The following USH2A variants were observed in gnomAD, a reference collection of about 807,000 sequenced individuals.
USH2A encodes Usher syndrome 2A (autosomal recessive, mild).
In USH2A, 443 loss-of-function variants were observed where a neutral mutation model predicts 538.9. That is an observed-to-expected ratio of 0.82 (90% confidence interval 0.76 to 0.89). The LOEUF is 0.89. Ranked by LOEUF, USH2A falls within the 40% of genes least tolerant of loss-of-function variation. USH2A has a pLI of 0.00. For missense variants in USH2A, 6,633 were observed against 6,324.8 expected, an observed-to-expected ratio of 1.05 and a Z score of -1.65; for synonymous variants, 2,413 against 2,273.5, an observed-to-expected ratio of 1.06 and a Z score of -1.75.
At chr1:216,054,034 A>G (rs1235110793) in intron 30 of USH2A, among the ~76,000 whole-genome samples, 6 of 152,146 alleles carry the variant, frequency 3.9e-5, no homozygotes, top group Non-Finnish European at 8.8e-5. Context: ...TGCAACTTAG[A>G]AGTCCTTCAC....
intron 21 of USH2A, among the ~76,000 whole-genome samples, chr1:216,097,954 A>C (rs559950648): frequency 1.4e-5 from 2 of 140,080 alleles, no homozygotes; most frequent in East Asian, 4.2e-4. Flanking sequence ...CCTATGAATG[A>C]TGCCTCCCCC....
chr1:216,051,928 A>G (rs1287382846), intron 30 of USH2A, among the ~76,000 whole-genome samples: 1 of 152,176 alleles, frequency 6.6e-6, no homozygotes, highest in Non-Finnish European at 1.5e-5. Flanking sequence ...TTTAATTGTT[A>G]CATCAAGTTA....
At chr1:215,626,552 TATA>T (rs1451301816) in intron 71 of USH2A, among the ~76,000 whole-genome samples, 5 of 152,096 alleles carry the variant, frequency 3.3e-5, no homozygotes, top group Non-Finnish European at 7.4e-5. Context: ...TAATGTTGGT[TATA>T]ATGTTATAAT....
intron 32 of USH2A, among the ~76,000 whole-genome samples, chr1:216,028,919 T>C (rs527620947): frequency 1.1e-4 from 17 of 152,274 alleles, no homozygotes; most frequent in African/African-American, 3.8e-4. Context: ...TGTTTGTATC[T>C]GTGCTTTAAT....
intron 60 of USH2A, among the ~76,000 whole-genome samples, chr1:215,735,748 C>G (rs1660137571): frequency 6.6e-6 from 1 of 152,008 alleles, no homozygotes. Flanking sequence ...AAAACAGAAT[C>G]CTACCAGGCA....
chr1:215,888,763 C>T lies in USH2A; in HGVS notation c.7886G>A (p.Ser2629Asn). Reference protein sequence around the residue: ...TLPGAPEGIPSPELFSDTPTS... With the variant: ...TLPGAPEGIPNPELFSDTPTS... ...TGGAGTATCAGAGAACAGCTCTGGA[C>T]TTGGGATCCCTTCCGGTGCCCCTGG... Residue 2629 changes from serine to asparagine, a missense_variant, in exon 41 of 72, where the codon AGT (serine) becomes AAT (asparagine). Transcript: ENST00000307340. The T allele has an allele frequency of 6.2e-7, 1 of 1,614,104 alleles. No individual in the cohort carries two copies.
intron 20 of USH2A, among the ~76,000 whole-genome samples, chr1:216,181,803 C>T (rs1283487138): frequency 6.6e-6 from 1 of 152,074 alleles, no homozygotes; most frequent in Non-Finnish European, 1.5e-5. Context: ...TCTCTGACAG[C>T]AAAGTATCGA....
chr1:215,958,373 G>A (rs1447787471), intron 37 of USH2A, among the ~76,000 whole-genome samples: 1 of 152,088 alleles, frequency 6.6e-6, no homozygotes, highest in Non-Finnish European at 1.5e-5. Context: ...TATTCTGGGT[G>A]CTAGGATTTT....
At chr1:216,245,329 C>T (rs946943882) in intron 13 of USH2A, among the ~76,000 whole-genome samples, 5 of 152,038 alleles carry the variant, frequency 3.3e-5, no homozygotes, top group South Asian at 2.1e-4. Flanking sequence ...TGAGTCAATT[C>T]GAATTTTCCT....
Position 216,175,261 on chromosome 1 carries a change from C to T in USH2A, c.4618G>A (p.Asp1540Asn), listed in dbSNP as rs752238803. 92 of 1,613,522 alleles carry T rather than the reference C, an allele frequency of 5.7e-5. No homozygotes were observed. The highest frequency in any genetic ancestry group is 7.1e-5 in the Non-Finnish European group (84 of 1,179,810). The change falls in exon 21 of 72, where the codon GAC (aspartate) becomes AAC (asparagine). Residue 1540 changes from aspartate to asparagine, a missense_variant. By Grantham distance (23) the Asp-to-Asn change is conservative. Coordinates refer to ENST00000307340, the MANE Select transcript of USH2A (RefSeq NM_206933.4). ...TGTCAAACACACTTACCAGTGAAGTCTGTATTGACTGGGTGAGTGGAGCTG... is the reference window on the plus strand; with the variant it reads ...TGTCAAACACACTTACCAGTGAAGTTTGTATTGACTGGGTGAGTGGAGCTG... ...FPSSTHPVNT[D>N]FTGIKASFRT...
At chr1:216,236,130 T>C (rs1282613633) in intron 13 of USH2A, among the ~76,000 whole-genome samples, 3 of 152,118 alleles carry the variant, frequency 2.0e-5, no homozygotes, top group Non-Finnish European at 4.4e-5. Context: ...CATCCCAAGG[T>C]ATAATTTCTC....
chr1:215,799,104 T>G lies in USH2A; in HGVS notation c.9761A>C (p.Glu3254Ala), dbSNP rs1318080858. The change falls in exon 50 of 72, where the codon GAA becomes GCA. Residue 3254 changes from glutamate (E) to alanine (A), a missense_variant. Coordinates refer to ENST00000307340, the MANE Select transcript of USH2A (RefSeq NM_206933.4). ...ILPGEVCCPD[E>A]QHNRVSVGIG... The stretch of plus-strand genomic sequence containing the variant: ...GCCAACAGAAACCCGATTGTGCTGT[T>G]CATCTGGACAGCATACTTCACCTGT... 1.9e-6 allele frequency: 3 copies of G among 1,613,894 alleles called. No individual in the cohort carries two copies. Among genetic ancestry groups the G allele is most frequent in the Non-Finnish European group, 2.5e-6 (3 of 1,179,918 alleles).
intron 44 of USH2A, among the ~76,000 whole-genome samples, chr1:215,864,281 G>T (rs992674235): frequency 2.6e-5 from 4 of 152,118 alleles, no homozygotes; most frequent in Non-Finnish European, 5.9e-5. Context: ...TTTTTGGTAA[G>T]TTACTATGGG....
intron 45 of USH2A, among the ~76,000 whole-genome samples, chr1:215,844,807 T>C (rs1663795273): frequency 6.6e-6 from 1 of 152,176 alleles, no homozygotes; most frequent in South Asian, 2.1e-4. Context: ...TTTTTTGTCT[T>C]TTTTCCATCC....
chr1:215,719,267 G>T (rs908201477), intron 61 of USH2A, among the ~76,000 whole-genome samples: 5 of 151,062 alleles, frequency 3.3e-5, no homozygotes, highest in African/African-American at 9.8e-5. Flanking sequence ...TACATATAGG[G>T]TGGAAATCTC....
intron 55 of USH2A, among the ~76,000 whole-genome samples, chr1:215,777,879 A>G (rs1043555879): frequency 6.6e-6 from 1 of 152,232 alleles, no homozygotes; most frequent in Non-Finnish European, 1.5e-5. Context: ...GATGAGAGTC[A>G]GAGAAGTCAA....
At chr1:215,631,920 C>G (rs1656295486) in intron 70 of USH2A, among the ~76,000 whole-genome samples, 1 of 152,260 alleles carries the variant, frequency 6.6e-6, no homozygotes, top group African/African-American at 2.4e-5. Flanking sequence ...GTCAGGACAG[C>G]AAGGTCTAAC....
In USH2A at chr1:215,855,845, C is replaced by T. The variant is rs114142051; in HGVS notation, c.8846-9812G>A. Among the ~76,000 whole-genome samples, 1,055 of 152,192 alleles carry T rather than the reference C, an allele frequency of 6.9e-3. 11 individuals carry two copies. The highest frequency in any genetic ancestry group is 9.5e-3 in the Non-Finnish European group (643 of 67,992). Reference sequence around the variant, plus strand: ...ACTGGTATAAAAATAGGCATATAGACCAATGAAACAAAATAGAGAACTCAG... The same window carrying T: ...ACTGGTATAAAAATAGGCATATAGATCAATGAAACAAAATAGAGAACTCAG... On this transcript the variant is annotated intron_variant, in intron 44 of 71. Coordinates refer to ENST00000307340, the MANE Select transcript of USH2A (RefSeq NM_206933.4).
intron 50 of USH2A, among the ~76,000 whole-genome samples, chr1:215,796,757 T>A (rs796858737): frequency 2.0e-5 from 3 of 152,304 alleles, no homozygotes; most frequent in African/African-American, 7.2e-5. Context: ...GAGGAAGGCA[T>A]GTGGAAAGCC....
Sources: allele counts gnomAD v4.1 joint callset (sites outside exome capture counted in the v4.1 genomes callset), GRCh38; gene constraint gnomAD v4.1.1; transcripts MANE v1.5; gene names NCBI Gene and HGNC (gene_info 2026-07-23, HGNC 2026-07-21).